Variants in EFCAB6 observed in about 807,000 individuals in gnomAD.
EFCAB6 encodes the protein EF-hand calcium binding domain 6, also known as EF-hand calcium-binding domain-containing protein 6.
A neutral mutation model predicts 169.8 loss-of-function variants in EFCAB6; 156 were observed. The ratio of observed to expected loss-of-function variants is 0.92; its 90% CI spans 0.81 to 1.05. The LOEUF is 1.05. Ranked by LOEUF, EFCAB6 falls within the 50% of genes least tolerant of loss-of-function variation. EFCAB6 has a pLI of 0.00. For synonymous variants in EFCAB6, 698 were observed against 676.4 expected (o/e 1.03, Z -0.50); for missense variants, 1,800 against 1,829.1 (o/e 0.98, Z 0.29).
chr22:43,766,669 C>T (rs1235332801), intron 4 of EFCAB6, among the ~76,000 whole-genome samples: 1 of 152,004 alleles, frequency 6.6e-6, no homozygotes. Flanking sequence ...TGTTCACCAC[C>T]ACACCCGGCT....
intron 17 of EFCAB6, among the ~76,000 whole-genome samples, chr22:43,651,719 G>A (rs1435472230): frequency 6.6e-6 from 1 of 152,238 alleles, no homozygotes; most frequent in Admixed American, 6.5e-5. Context: ...AGCCACAGGG[G>A]CGGAGCTGCC....
At chr22:43,805,941 G>A (rs1345793367) in intron 2 of EFCAB6, among the ~76,000 whole-genome samples, 16 of 152,166 alleles carry the variant, frequency 1.1e-4, no homozygotes, top group Non-Finnish European at 2.4e-4. Context: ...GAGGTGGGCA[G>A]ATCACTTGAG....
At chr22:43,671,838 G>A in intron 15 of EFCAB6, 135 bp downstream of exon 15, 1 of 1,045,266 alleles carries the variant, frequency 9.6e-7, no homozygotes, top group Non-Finnish European at 1.4e-6. Context: ...CCAGTGCTAA[G>A]CAAGGATTCA....
At chr22:43,623,303 A>G (rs1299222870) in intron 20 of EFCAB6, among the ~76,000 whole-genome samples, 1 of 152,218 alleles carries the variant, frequency 6.6e-6, no homozygotes, top group Non-Finnish European at 1.5e-5. Context: ...AATGTACTCC[A>G]TGCAGGCTGT....
intron 17 of EFCAB6, among the ~76,000 whole-genome samples, chr22:43,635,572 T>C (rs1030685981): frequency 6.6e-6 from 1 of 152,182 alleles, no homozygotes; most frequent in Non-Finnish European, 1.5e-5. Context: ...TATGTTCACA[T>C]AGATTCAAGA....
intron 20 of EFCAB6, among the ~76,000 whole-genome samples, chr22:43,616,884 GC>G (rs2053728337): frequency 1.3e-5 from 2 of 152,136 alleles, no homozygotes; most frequent in Admixed American, 1.3e-4. Context: ...TTGGCACCTG[GC>G]CAGTGTAAAC....
At chr22:43,579,487 T>C (rs1410467363) in intron 25 of EFCAB6, among the ~76,000 whole-genome samples, 37 of 142,530 alleles carry the variant, frequency 2.6e-4, no homozygotes, top group African/African-American at 9.6e-4. Context: ...TCTGTACATG[T>C]AGGCATCATT....
At chr22:43,626,062 T>C (rs540793027) in intron 20 of EFCAB6, among the ~76,000 whole-genome samples, 20 of 151,918 alleles carry the variant, frequency 1.3e-4, no homozygotes, top group African/African-American at 4.6e-4. Context: ...TGTGTATATA[T>C]ATGTATGTGT....
chr22:43,651,060 G>C (rs2056441543), intron 17 of EFCAB6, among the ~76,000 whole-genome samples: 2 of 152,250 alleles, frequency 1.3e-5, no homozygotes, highest in African/African-American at 4.8e-5. Context: ...AGAAATTCAA[G>C]CTGGTGGCAG....
chr22:43,593,583 T>C (rs2051737480), intron 23 of EFCAB6, among the ~76,000 whole-genome samples: 1 of 152,222 alleles, frequency 6.6e-6, no homozygotes, highest in African/African-American at 2.4e-5. Context: ...ACAAACTCAA[T>C]TCTCTGCTTT....
chr22:43,631,970 T>C, intron 19 of EFCAB6, 135 bp downstream of exon 19: 1 of 1,290,730 alleles, frequency 7.7e-7, no homozygotes, highest in Non-Finnish European at 1.0e-6. Context: ...CAATGCTGGG[T>C]CTGCAGAGGG....
At chr22:43,688,463 C>T (rs1268465059) in intron 10 of EFCAB6, among the ~76,000 whole-genome samples, 4 of 152,172 alleles carry the variant, frequency 2.6e-5, no homozygotes, top group Non-Finnish European at 5.9e-5. Flanking sequence ...TGAATATGGT[C>T]CCATGACTCA....
rs377471989 is a variant in EFCAB6 at position 43,782,267 on chromosome 22, G to A, written c.52C>T (p.Arg18Ter). ...TGGGGTCTTGAATGTGTAAATTTTC[G>A]TGTGTGAGGATGCGACCTAAGCCAG... ...PDWLRSHPHT[R>*]KFTHSRPHSS... Residue 18 changes from arginine (R) to a stop codon, truncating the protein, a stop_gained, in exon 3 of 32, where the codon CGA becomes TGA. Transcript: ENST00000262726. LOFTEE classifies it high-confidence loss of function. 2.0e-5 allele frequency: 33 copies of A among 1,613,872 alleles called. No homozygotes were observed. The East Asian group carries it at 4.0e-4, about 20-fold the overall frequency.
At chr22:43,544,505 T>G (rs57377177) in intron 27 of EFCAB6, among the ~76,000 whole-genome samples, 8,189 of 152,156 alleles carry the variant, frequency 0.054, 778 homozygotes, top group African/African-American at 0.19. Context: ...GGTGATCAGC[T>G]CTTCTGGTCT....
At chr22:43,694,647 C>T (rs2058511224) in intron 10 of EFCAB6, among the ~76,000 whole-genome samples, 1 of 151,938 alleles carries the variant, frequency 6.6e-6, no homozygotes, top group Non-Finnish European at 1.5e-5. Flanking sequence ...GCAAGGTTGG[C>T]TTAACATTTG....
chr22:43,722,846 G>A (rs776283269), intron 8 of EFCAB6, among the ~76,000 whole-genome samples: 2 of 152,070 alleles, frequency 1.3e-5, no homozygotes, highest in African/African-American at 4.8e-5. Context: ...AATGTGGTAC[G>A]GATATACCAC....
intron 4 of EFCAB6, among the ~76,000 whole-genome samples, chr22:43,768,933 G>C (rs1189536702): frequency 6.6e-6 from 1 of 152,172 alleles, no homozygotes; most frequent in Non-Finnish European, 1.5e-5. Context: ...ATGTTTACAA[G>C]GATGAATGTT....
chr22:43,661,838 GC>G (rs942113349), intron 17 of EFCAB6, among the ~76,000 whole-genome samples: 87 of 152,240 alleles, frequency 5.7e-4, no homozygotes, highest in Middle Eastern at 3.4e-3. Context: ...CATAGAGTTG[GC>G]TGGGCGTGGC....
chr22:43,535,158 G>C, intron 29 of EFCAB6: 1 of 334,304 alleles, frequency 3.0e-6, no homozygotes, highest in Non-Finnish European at 5.4e-6. Context: ...AACACAGAGA[G>C]GGAGGTAAGG....
Sources: gnomAD v4.1 joint callset for allele counts (sites outside exome capture counted in the v4.1 genomes callset) on GRCh38, gnomAD v4.1.1 for gene constraint, MANE v1.5 for transcripts, NCBI Gene and HGNC (gene_info 2026-07-23, HGNC 2026-07-21) for gene names.